DNAH11: variants seen among roughly 807,000 people sequenced by gnomAD.
The protein encoded by DNAH11 is dynein axonemal heavy chain 11.
DNAH11 carries 442 observed loss-of-function variants against 526.0 expected under a neutral mutation model. The ratio of observed to expected loss-of-function variants is 0.84; its 90% CI spans 0.78 to 0.91. The LOEUF (loss-of-function observed/expected upper bound fraction) is 0.91. DNAH11 is among the 40% of genes least tolerant of loss of function. The probability of loss-of-function intolerance (pLI) is 0.00; values close to 1 mark genes in which losing one functional copy is unlikely to be tolerated. For synonymous variants in DNAH11, 2,461 were observed against 1,935.9 expected (o/e 1.27, Z -7.12); for missense variants, 6,989 against 5,448.7 (o/e 1.28, Z -8.90).
intron 25 of DNAH11, among the ~76,000 whole-genome samples, chr7:21,622,573 T>A (rs1266022251): frequency 3.3e-5 from 5 of 152,132 alleles, no homozygotes; most frequent in African/African-American, 1.2e-4. Flanking sequence ...CAAACTATAC[T>A]ACAAGGCTAC....
intron 63 of DNAH11, among the ~76,000 whole-genome samples, chr7:21,815,512 C>T (rs1789740749): frequency 6.6e-6 from 1 of 152,102 alleles, no homozygotes. Context: ...TTTTGAAGCT[C>T]TGTGACAAAC....
intron 74 of DNAH11, among the ~76,000 whole-genome samples, chr7:21,877,196 T>C (rs1783746844): frequency 6.6e-6 from 1 of 152,210 alleles, no homozygotes; most frequent in South Asian, 2.1e-4. Context: ...ACTGTACTGC[T>C]AGGGTATTTT....
At chr7:21,609,150 G>A (rs568877098) in intron 20 of DNAH11, among the ~76,000 whole-genome samples, 2 of 152,282 alleles carry the variant, frequency 1.3e-5, no homozygotes, top group East Asian at 3.9e-4. Flanking sequence ...TATAGTAACT[G>A]TATAATAACC....
intron 65 of DNAH11, among the ~76,000 whole-genome samples, chr7:21,828,228 C>A (rs1790391317): frequency 1.3e-5 from 2 of 152,298 alleles, no homozygotes; most frequent in South Asian, 4.1e-4. Flanking sequence ...GGATTGCAGG[C>A]ATGAGCCACC....
At position 21,738,731 on chromosome 7, in the gene DNAH11, C is replaced by G; in HGVS notation, c.7676C>G (p.Ala2559Gly). 1 of 1,580,738 alleles carries G rather than the reference C, an allele frequency of 6.3e-7. No homozygotes were observed. The highest frequency in any genetic ancestry group is 8.6e-7 in the Non-Finnish European group (1 of 1,163,508). Residue 2559 changes from alanine (A) to glycine (G), a missense_variant, in exon 47 of 82, where the codon GCT becomes GGT. By Grantham distance (60) the Ala-to-Gly change is moderately conservative. Coordinates refer to ENST00000409508, the MANE Select transcript of DNAH11 (RefSeq NM_001277115.2). ...CTTGAGAAACCCCTAGAGAAAAAAG[C>G]TGGTCATAACTATGGTCCTGGAGGA... Reference protein sequence around the residue: ...KILEKPLEKKAGHNYGPGGNK... With the variant: ...KILEKPLEKKGGHNYGPGGNK...
chr7:21,596,431 C>T (rs1174317310), intron 14 of DNAH11, among the ~76,000 whole-genome samples: 1 of 152,212 alleles, frequency 6.6e-6, no homozygotes, highest in African/African-American at 2.4e-5. Context: ...AGTATCTTAA[C>T]TAAGTCATGC....
rs772006948 is a variant in DNAH11, at chr7:21,705,543, G to C, written c.6546+6G>C. 7 of 1,612,882 alleles carry C rather than the reference G, an allele frequency of 4.3e-6. No homozygotes were observed. Among genetic ancestry groups the C allele is most frequent in the Non-Finnish European group, 5.1e-6 (6 of 1,179,074 alleles). ...CAGGCACAGGAAAGAGTAAGGTATA[G>C]TAAATTGCCTAATAGCTTACAGCTA... On this transcript the variant is annotated splice_donor_region_variant and intron_variant, in intron 39 of 81. Coordinates refer to ENST00000409508, the MANE Select transcript of DNAH11 (RefSeq NM_001277115.2).
chr7:21,861,848 C>T lies in DNAH11; in HGVS notation c.11203-5C>T, dbSNP rs767345006. ...ACATTTTAATGGTCACATTAAATTT[C>T]CCAGGCTTTTAACGTGCTGTTCCAC... On this transcript the variant is annotated splice_region_variant and splice_polypyrimidine_tract_variant and intron_variant, in intron 68 of 81. Coordinates refer to ENST00000409508, the MANE Select transcript of DNAH11 (RefSeq NM_001277115.2). 9.9e-6 allele frequency: 16 copies of T among 1,609,680 alleles called. No homozygotes were observed. Among genetic ancestry groups the T allele is most frequent in the Admixed American group, 1.7e-5 (1 of 59,274 alleles).
At chr7:21,682,274 C>A (rs558662475) in intron 31 of DNAH11, among the ~76,000 whole-genome samples, 4 of 152,184 alleles carry the variant, frequency 2.6e-5, no homozygotes, top group African/African-American at 9.6e-5. Context: ...CGCCTGTAAT[C>A]CCAGCACTTT....
chr7:21,779,353 T>C (rs1238784669), intron 57 of DNAH11, among the ~76,000 whole-genome samples: 1 of 152,208 alleles, frequency 6.6e-6, no homozygotes, highest in Admixed American at 6.5e-5. Flanking sequence ...TTCAAGCATA[T>C]AATGGATGTG....
At chr7:21,899,861 C>A in intron 80 of DNAH11, 119 bp from the exon 81 acceptor site, 2 of 1,262,974 alleles carry the variant, frequency 1.6e-6, no homozygotes, top group Non-Finnish European at 2.2e-6. Flanking sequence ...AGCCATGTGC[C>A]AATGCCCAAG....
At chr7:21,690,181 G>A (rs867600094) in intron 34 of DNAH11, among the ~76,000 whole-genome samples, 18 of 152,186 alleles carry the variant, frequency 1.2e-4, no homozygotes, top group Middle Eastern at 6.8e-3. Context: ...TACTAGATGA[G>A]GGAATTGGAA....
At chr7:21,620,155 T>A in intron 25 of DNAH11, 77 bp downstream of exon 25, 1 of 1,195,082 alleles carries the variant, frequency 8.4e-7, no homozygotes, top group Non-Finnish European at 1.1e-6. Context: ...TAGGGTACCA[T>A]GTGATGTTTT....
Position 21,591,175 on chromosome 7 carries a change from C to A in DNAH11, c.2275-10C>A. ...TTGGCACTTTTTGTTTTGGGGTTTT[C>A]TTTGCTCAGTACATTGGAAATCTTG... On this transcript the variant is annotated splice_polypyrimidine_tract_variant and intron_variant, in intron 13 of 81. Transcript: ENST00000409508. The A allele has an allele frequency of 6.5e-7, 1 of 1,526,826 alleles. No homozygotes were observed. The highest frequency in any genetic ancestry group is 8.7e-7 in the Non-Finnish European group (1 of 1,145,438). The allele number at this position is 1,526,826 out of a possible 1,614,324, so 94.6% of individuals were successfully genotyped here. A position where few individuals can be genotyped will look rare whatever the true frequency, so the allele number is the denominator to read the frequency against.
intron 65 of DNAH11, among the ~76,000 whole-genome samples, chr7:21,838,551 A>G (rs1433440742): frequency 6.6e-6 from 1 of 152,140 alleles, no homozygotes; most frequent in Non-Finnish European, 1.5e-5. Flanking sequence ...AAGTGGAGTC[A>G]TATAATATGT....
At chr7:21,618,982 A>G (rs1426715323) in intron 23 of DNAH11, 118 bp from the exon 24 acceptor site, 4 of 1,284,664 alleles carry the variant, frequency 3.1e-6, no homozygotes, top group East Asian at 2.4e-5. Flanking sequence ...AAGACGAGAG[A>G]TGTACTCAGC....
At chr7:21,718,706 G>C (rs909035872) in intron 43 of DNAH11, among the ~76,000 whole-genome samples, 1 of 152,064 alleles carries the variant, frequency 6.6e-6, no homozygotes, top group Non-Finnish European at 1.5e-5. Flanking sequence ...TTCATGAAAA[G>C]GTTTACAATT....
chr7:21,804,741 G>A (rs1449097338), intron 62 of DNAH11, among the ~76,000 whole-genome samples: 1 of 151,952 alleles, frequency 6.6e-6, no homozygotes, highest in Admixed American at 6.6e-5. Context: ...CTCCCCTAGG[G>A]TACCTCTGCA....
chr7:21,858,785 T>C lies in DNAH11; in HGVS notation c.11203-3068T>C, dbSNP rs78336810. Among the ~76,000 whole-genome samples the C allele has an allele frequency of 1.5e-3, 225 of 152,330 alleles. 6 individuals carry two copies. The East Asian group carries it at 0.04, about 27-fold the overall frequency. ...TGGTAATGTAAGTAGAAAGGTTCTT[T>C]ATCTTGATTGCTACGGTTATTGTTA... On this transcript the variant is annotated intron_variant, in intron 68 of 81. Coordinates refer to ENST00000409508, the MANE Select transcript of DNAH11 (RefSeq NM_001277115.2).
Sources: gnomAD v4.1 joint callset for allele counts (sites outside exome capture counted in the v4.1 genomes callset) on GRCh38, gnomAD v4.1.1 for gene constraint, MANE v1.5 for transcripts, NCBI Gene and HGNC (gene_info 2026-07-23, HGNC 2026-07-21) for gene names.